RABGEF1: variants seen among roughly 807,000 people sequenced by gnomAD.
RABGEF1 encodes RAB guanine nucleotide exchange factor 1.
A neutral mutation model predicts 57.3 loss-of-function variants in RABGEF1; 26 were observed. That is an observed-to-expected ratio of 0.45 (90% CI 0.33 to 0.63). The LOEUF (loss-of-function observed/expected upper bound fraction) is 0.63. Ranked by LOEUF, RABGEF1 falls within the 20% of genes least tolerant of loss-of-function variation. RABGEF1 has a pLI of 0.02. For missense variants in RABGEF1, 464 were observed against 607.6 expected (o/e 0.76, Z 2.48); for synonymous variants, 185 against 210.7 (o/e 0.88, Z 1.06).
At chr7:66,784,305 T>C (rs940191053) in intron 4 of RABGEF1, among the ~76,000 whole-genome samples, 10 of 152,230 alleles carry the variant, frequency 6.6e-5, no homozygotes, top group African/African-American at 2.4e-4. Context: ...AAAGGGACTT[T>C]AGCAACTATG....
At chr7:66,737,979 A>G (rs1562755967), upstream of RABGEF1, among the ~76,000 whole-genome samples, 1 of 148,064 alleles carries the variant, frequency 6.8e-6, no homozygotes, top group Admixed American at 6.7e-5. Flanking sequence ...GCTCCGGTCT[A>G]TTTTAAAGCT....
At chr7:66,681,806 G>C (rs149419616), upstream of RABGEF1, among the ~76,000 whole-genome samples, 9 of 152,146 alleles carry the variant, frequency 5.9e-5, no homozygotes, top group Non-Finnish European at 1.2e-4. Context: ...CCTCCCATTC[G>C]CGCTTCCACC....
chr7:66,655,323 G>T, the RABGEF1 span, among the ~76,000 whole-genome samples: 2 of 152,284 alleles, frequency 1.3e-5, no homozygotes, highest in African/African-American at 4.8e-5. Context: ...GGACTCTGCC[G>T]CTTTGGAGGC....
At chr7:66,667,662 T>C in the RABGEF1 span, 2 of 152,218 alleles carry the variant, frequency 1.3e-5, no homozygotes, top group African/African-American at 4.8e-5. Context: ...GATGAAAAAT[T>C]GGTATTAATA....
At chr7:66,806,729 C>T (rs1434057386) in intron 8 of RABGEF1, among the ~76,000 whole-genome samples, 1 of 150,792 alleles carries the variant, frequency 6.6e-6, no homozygotes, top group Non-Finnish European at 1.5e-5. Flanking sequence ...CTGCAACCTC[C>T]GTCTCCTGGG....
intron 1 of RABGEF1, among the ~76,000 whole-genome samples, chr7:66,709,506 G>A (rs1341480922): frequency 6.6e-6 from 1 of 151,990 alleles, no homozygotes; most frequent in Non-Finnish European, 1.5e-5. Context: ...TATTCAAATT[G>A]AGGCTGGGCG....
At chr7:66,702,848 G>A (rs1793495945) in intron 1 of RABGEF1, among the ~76,000 whole-genome samples, 1 of 151,942 alleles carries the variant, frequency 6.6e-6, no homozygotes, top group Non-Finnish European at 1.5e-5. Context: ...GTTCAGTTTT[G>A]AGAGTTTTTT....
chr7:66,668,733 G>A, the RABGEF1 span: 1 of 152,326 alleles, frequency 6.6e-6, no homozygotes, highest in South Asian at 2.1e-4. Flanking sequence ...TGCGTGGGAT[G>A]GGCCTTAATC....
At chr7:66,712,089 T>C (rs1323934807) in intron 1 of RABGEF1, 2 of 152,230 alleles carry the variant, frequency 1.3e-5, no homozygotes, top group East Asian at 3.8e-4. Context: ...TGCATTTACA[T>C]ATACATTTTA....
At chr7:66,707,820 A>G (rs541725335) in intron 1 of RABGEF1, among the ~76,000 whole-genome samples, 2 of 152,220 alleles carry the variant, frequency 1.3e-5, no homozygotes, top group Middle Eastern at 3.4e-3. Flanking sequence ...TACAAATGTT[A>G]TATCTTCTTG....
intron 1 of RABGEF1, among the ~76,000 whole-genome samples, chr7:66,690,997 A>C (rs543233568): frequency 6.6e-6 from 1 of 151,892 alleles, no homozygotes; most frequent in Non-Finnish European, 1.5e-5. Context: ...AGGCTGGGGC[A>C]TGAGAATCGC....
At chr7:66,669,627 C>T in the RABGEF1 span, 1 of 152,156 alleles carries the variant, frequency 6.6e-6, no homozygotes, top group Non-Finnish European at 1.5e-5. Context: ...GGCATGAAAC[C>T]TTTATAAGCA....
intron 1 of RABGEF1, among the ~76,000 whole-genome samples, chr7:66,765,379 G>A (rs1352838610): frequency 6.6e-6 from 1 of 152,076 alleles, no homozygotes; most frequent in Non-Finnish European, 1.5e-5. Context: ...TGTATGCCAA[G>A]TAATCCACAG....
At chr7:66,701,019 G>A (rs1726157229) in intron 1 of RABGEF1, among the ~76,000 whole-genome samples, 1 of 152,206 alleles carries the variant, frequency 6.6e-6, no homozygotes. Context: ...GGAGGAGGGA[G>A]CCTGACCCTC....
At position 66,688,619 on chromosome 7, in the gene RABGEF1, A is replaced by G. The variant is rs569160702; in HGVS notation, c.-873+6361A>G. Among the ~76,000 whole-genome samples, 53 of 152,344 alleles carry G rather than the reference A, an allele frequency of 3.5e-4. No homozygotes were observed. In the South Asian group the frequency reaches 0.011, roughly 31 times the overall value. On this transcript the variant is annotated intron_variant and NMD_transcript_variant, in intron 1 of 9. Transcript: ENST00000607882. ...ACATCAGTAACCAGCAAAACTCGAA[A>G]ACTCACAAATATATGGAAAGTAAAC...
the RABGEF1 span, among the ~76,000 whole-genome samples, chr7:66,672,120 TTAAAAAA>T: frequency 6.6e-6 from 1 of 151,454 alleles, no homozygotes; most frequent in African/African-American, 2.4e-5. Flanking sequence ...ACTCTGTCTG[TTAAAAAA>T]TAAAAAAAAA....
chr7:66,726,948 G>A (rs904777270), intron 2 of RABGEF1, among the ~76,000 whole-genome samples: 14 of 152,136 alleles, frequency 9.2e-5, no homozygotes, highest in Admixed American at 7.2e-4. Context: ...AGATTGCAGT[G>A]AGCCGAGATT....
intron 2 of RABGEF1, among the ~76,000 whole-genome samples, chr7:66,728,102 A>G (rs1180865414): frequency 6.6e-6 from 1 of 152,096 alleles, no homozygotes; most frequent in African/African-American, 2.4e-5. Flanking sequence ...CCAGCAGCTC[A>G]GGGCTCCTTT....
Position 66,809,013 on chromosome 7 carries a change from A to T in RABGEF1, c.1205A>T (p.Asp402Val). The change falls in exon 9 of 9, where the codon GAT (aspartate) becomes GTT (valine). Residue 402 changes from aspartate (D) to valine (V), a missense_variant. Asp to Val is a radical substitution (Grantham distance 152, BLOSUM62 -3). Transcript: ENST00000284957. ...RKQEAESWSP[D>V]ACLGVKQMYK... ...CAAGAAGCTGAGAGTTGGTCTCCTG[A>T]TGCTTGCTTAGGCGTCAAGCAAATG... The T allele has an allele frequency of 6.2e-7, 1 of 1,614,138 alleles. No individual in the cohort carries two copies. The highest frequency in any genetic ancestry group is 1.7e-5 in the Admixed American group (1 of 60,018).
Sources: gnomAD v4.1 joint callset for allele counts (sites outside exome capture counted in the v4.1 genomes callset) on GRCh38, gnomAD v4.1.1 for gene constraint, MANE v1.5 for transcripts, NCBI Gene and HGNC (gene_info 2026-07-23, HGNC 2026-07-21) for gene names.